BRSK2: variants seen among roughly 807,000 people sequenced by gnomAD.
BRSK2 encodes the protein BR serine/threonine kinase 2.
Under a neutral mutation model 83.3 loss-of-function variants are expected in BRSK2, and 19 were observed. The observed-to-expected ratio is 0.23, with a 90% CI of 0.16 to 0.33. The LOEUF (loss-of-function observed/expected upper bound fraction) is 0.33. BRSK2 is among the 10% of genes least tolerant of loss of function. BRSK2 has a pLI of 1.00. For missense variants in BRSK2, 798 were observed against 1,042.3 expected (o/e 0.77, Z 3.23); for synonymous variants, 519 against 435.4 (o/e 1.19, Z -2.39).
intron 1 of BRSK2, among the ~76,000 whole-genome samples, chr11:1,396,396 A>C (rs1019273560): frequency 6.6e-6 from 1 of 152,074 alleles, no homozygotes; most frequent in African/African-American, 2.4e-5. Context: ...GGCCTAAGCG[A>C]GCTCTCCTGG....
intron 19 of BRSK2, 86 bp from the exon 20 acceptor site, chr11:1,460,414 C>G: frequency 2.5e-4 from 220 of 876,684 alleles, no homozygotes; most frequent in Middle Eastern, 3.6e-4. Flanking sequence ...CTCTTTCTCT[C>G]TCCTTCCCTC....
At chr11:1,408,113 G>A (rs1026857371) in intron 1 of BRSK2, among the ~76,000 whole-genome samples, 7 of 152,228 alleles carry the variant, frequency 4.6e-5, no homozygotes, top group Non-Finnish European at 7.3e-5. Context: ...GGCCTCCCTG[G>A]GGCAAACTGT....
intron 1 of BRSK2, among the ~76,000 whole-genome samples, chr11:1,395,375 C>CG (rs1846004645): frequency 6.6e-6 from 1 of 152,196 alleles, no homozygotes. Context: ...TGTCGCTGGG[C>CG]GCCATGTCAG....
chr11:1,414,509 G>C (rs188125229), intron 1 of BRSK2, among the ~76,000 whole-genome samples: 1 of 152,320 alleles, frequency 6.6e-6, no homozygotes, highest in East Asian at 1.9e-4. Flanking sequence ...CAATTGTTTG[G>C]AACTTAGGCC....
At position 1,445,417 on chromosome 11, in the gene BRSK2, C is replaced by T. The variant is rs199880359; in HGVS notation, c.936C>T (p.Phe312=). ...VLDSMHSLGC[F]RDRNKLLQDL... is the part of the protein sequence containing the mutation. ...ACAGCATGCACTCACTGGGCTGCTTCCGAGACCGCAACAAGCTGCTGCAGG... is the reference window on the plus strand; with the variant it reads ...ACAGCATGCACTCACTGGGCTGCTTTCGAGACCGCAACAAGCTGCTGCAGG... Residue 312 remains phenylalanine, a synonymous_variant, in exon 10 of 20, where the codon TTC becomes TTT. Coordinates refer to ENST00000528841, the MANE Select transcript of BRSK2 (RefSeq NM_001256627.2). 10 of 1,611,984 alleles carry T rather than the reference C, an allele frequency of 6.2e-6. No homozygotes were observed. The African/African-American group carries it at 1.1e-4, about 17-fold the overall frequency.
intron 1 of BRSK2, among the ~76,000 whole-genome samples, chr11:1,425,696 G>C (rs1204137512): frequency 6.6e-6 from 1 of 152,196 alleles, no homozygotes; most frequent in Non-Finnish European, 1.5e-5. Flanking sequence ...CCCACTCTGT[G>C]TCCTCTCCAC....
At chr11:1,405,948 A>G (rs947347043) in intron 1 of BRSK2, among the ~76,000 whole-genome samples, 1 of 151,530 alleles carries the variant, frequency 6.6e-6, no homozygotes, top group Non-Finnish European at 1.5e-5. Context: ...CACCTGTGCC[A>G]TTCCATCCCC....
chr11:1,401,496 C>T (rs10833257), intron 1 of BRSK2, among the ~76,000 whole-genome samples: 65,208 of 152,068 alleles, frequency 0.43, 14,652 homozygotes, highest in Middle Eastern at 0.54. Flanking sequence ...CAGCATACCC[C>T]GGAGTATGTT....
At chr11:1,446,175 C>CTAGTT in intron 12 of BRSK2, among the ~76,000 whole-genome samples, 1 of 138,388 alleles carries the variant, frequency 7.2e-6, no homozygotes, top group African/African-American at 2.8e-5. Flanking sequence ...CTGGCCTGGG[C>CTAGTT]TGGGCTGGGC....
intron 18 of BRSK2, 119 bp downstream of exon 18, chr11:1,456,806 G>A (rs1846617187): frequency 7.6e-6 from 10 of 1,307,852 alleles, no homozygotes; most frequent in Middle Eastern, 5.0e-4. Context: ...CTTGACGGAC[G>A]CCCCCACCTC....
chr11:1,459,621 G>T (rs993349062), intron 19 of BRSK2, among the ~76,000 whole-genome samples: 13 of 152,322 alleles, frequency 8.5e-5, no homozygotes, highest in African/African-American at 2.9e-4. Flanking sequence ...GAGCGGAGGG[G>T]CCCACAGCTC....
chr11:1,426,292 G>A (rs1849213525), intron 1 of BRSK2, among the ~76,000 whole-genome samples: 1 of 151,578 alleles, frequency 6.6e-6, no homozygotes, highest in Admixed American at 6.6e-5. Flanking sequence ...CGTGCTCTGG[G>A]GATGTGTGTG....
At chr11:1,443,812 A>G (rs1258663731) in intron 8 of BRSK2, among the ~76,000 whole-genome samples, 177 bp downstream of exon 8, 1 of 151,058 alleles carries the variant, frequency 6.6e-6, no homozygotes, top group African/African-American at 2.4e-5. Context: ...GTGGGTGACC[A>G]AATGTGGGCC....
intron 1 of BRSK2, among the ~76,000 whole-genome samples, chr11:1,413,734 C>T (rs1426228803): frequency 1.3e-5 from 2 of 152,198 alleles, no homozygotes; most frequent in Non-Finnish European, 2.9e-5. Flanking sequence ...AAGGAGGGGC[C>T]TGAGCTGAGC....
chr11:1,435,788 AG>A (rs907362088), intron 1 of BRSK2, among the ~76,000 whole-genome samples: 1 of 144,252 alleles, frequency 6.9e-6, no homozygotes, highest in Non-Finnish European at 1.5e-5. Flanking sequence ...GGAGAGGGCG[AG>A]GGGGGCCACA....
intron 1 of BRSK2, among the ~76,000 whole-genome samples, chr11:1,413,053 G>A (rs868557389): frequency 1.3e-5 from 2 of 152,144 alleles, no homozygotes; most frequent in Non-Finnish European, 2.9e-5. Context: ...AGGAGCCTGC[G>A]TTCAGAACCC....
Position 1,423,684 on chromosome 11 carries a change from G to A in BRSK2, c.92-12356G>A, listed in dbSNP as rs61868970. The stretch of plus-strand genomic sequence containing the variant: ...CTGCCCCAAGCCTCCCCCGCTGGGC[G>A]TTCCGGGTGCCCCAGGCCTCCCCCG... On this transcript the variant is annotated intron_variant, in intron 1 of 19. Coordinates refer to ENST00000528841, the MANE Select transcript of BRSK2 (RefSeq NM_001256627.2). The surrounding 1 kb of genome is among the most constrained non-coding windows in gnomAD (Gnocchi z 6.5). Among the ~76,000 whole-genome samples the A allele has an allele frequency of 0.098, 10,502 of 107,384 alleles. 47 individuals carry two copies. Among genetic ancestry groups the A allele is most frequent in the Non-Finnish European group, 0.12 (5,674 of 46,506 alleles). The allele number at this position is 107,384 out of a possible 152,430, so 70.4% of individuals were successfully genotyped here. A position where few individuals can be genotyped will look rare whatever the true frequency, so the allele number is the denominator to read the frequency against.
chr11:1,447,841 C>T, intron 12 of BRSK2: 2 of 1,597,222 alleles, frequency 1.3e-6, no homozygotes, highest in East Asian at 2.2e-5. Flanking sequence ...TGAGGCCCAT[C>T]CCCAATTCAG....
At chr11:1,447,997 C>T (rs995700799) in intron 12 of BRSK2, 2 of 906,326 alleles carry the variant, frequency 2.2e-6, no homozygotes, top group Admixed American at 2.2e-5. Flanking sequence ...AGCCAGCCAG[C>T]AAGCCAGGCA....
Sources: allele counts gnomAD v4.1 joint callset (sites outside exome capture counted in the v4.1 genomes callset), GRCh38; gene constraint gnomAD v4.1.1; non-coding constraint Gnocchi (gnomAD v3.1); transcripts MANE v1.5; gene names NCBI Gene and HGNC (gene_info 2026-07-23, HGNC 2026-07-21).